The following IGDCC3 variants were observed in gnomAD, a reference collection of about 807,000 sequenced individuals.
IGDCC3 encodes the protein putative neuronal cell adhesion molecule.
In IGDCC3, 47 loss-of-function variants were observed where a neutral mutation model predicts 72.0. The ratio of observed to expected loss-of-function variants is 0.65; its 90% CI spans 0.52 to 0.83. IGDCC3 has a LOEUF of 0.83. Among genes scored for constraint, IGDCC3 ranks in the 40% least tolerant of loss-of-function variants. The pLI is 0.00. For missense variants in IGDCC3, 1,038 were observed against 1,091.3 expected (o/e 0.95, Z 0.69); for synonymous variants, 477 against 472.8 (o/e 1.01, Z -0.11).
intron 2 of IGDCC3, among the ~76,000 whole-genome samples, chr15:65,369,965 C>T (rs2091313143): frequency 6.6e-6 from 1 of 152,140 alleles, no homozygotes. Context: ...GCTGGTGAAA[C>T]TGCCTTCCCT....
chr15:65,335,477 A>G (rs2091020152), intron 3 of IGDCC3, 56 bp from the exon 4 acceptor site: 9 of 1,554,100 alleles, frequency 5.8e-6, no homozygotes, highest in Middle Eastern at 1.7e-4. Context: ...ATAATCAGCC[A>G]CAAAGACTCT....
chr15:65,356,848 C>CTTTTTTTTTGTTTTTTTTTTTTTTTTTT (rs2091225277), intron 2 of IGDCC3, among the ~76,000 whole-genome samples: 1 of 70,898 alleles, frequency 1.4e-5, no homozygotes, highest in Non-Finnish European at 2.6e-5. Flanking sequence ...AATGGACCTG[C>CTTTTTTTTTGTTTTTTTTTTTTTTTTTT]TTTTTTTTTT....
chr15:65,337,517 G>T (rs1391890087), intron 2 of IGDCC3, among the ~76,000 whole-genome samples: 1 of 152,128 alleles, frequency 6.6e-6, no homozygotes, highest in South Asian at 2.1e-4. Flanking sequence ...GGGGTGGGAG[G>T]TGGGGGCAAG....
chr15:65,348,504 C>G (rs2091145569), intron 2 of IGDCC3, among the ~76,000 whole-genome samples: 1 of 152,174 alleles, frequency 6.6e-6, no homozygotes, highest in South Asian at 2.1e-4. Flanking sequence ...AGGAGACACC[C>G]CAACCCAAAG....
At chr15:65,349,520 C>A (rs1286293804) in intron 2 of IGDCC3, among the ~76,000 whole-genome samples, 4 of 152,186 alleles carry the variant, frequency 2.6e-5, no homozygotes, top group African/African-American at 9.6e-5. Flanking sequence ...GTATTTTGTG[C>A]TATGAATTCG....
chr15:65,349,693 T>C (rs556266361), intron 2 of IGDCC3, among the ~76,000 whole-genome samples: 24 of 152,202 alleles, frequency 1.6e-4, no homozygotes, highest in Non-Finnish European at 2.8e-4. Flanking sequence ...TTTATGTTCT[T>C]GGGAGCTTCA....
Position 65,331,498 on chromosome 15 carries a change from G to A in IGDCC3, c.1310C>T (p.Ser437Phe). ...PRNVRAVSVS[S>F]TEVRVSWSEP... ...ACTCCAGGACACACGCACCTCAGTG[G>A]AAGACACAGAGACTGCCCGCACATT... Residue 437 changes from serine to phenylalanine, a missense_variant, in exon 8 of 14, where the codon TCC becomes TTC. Ser to Phe is a radical substitution (Grantham distance 155). Transcript: ENST00000327987. 1 of 1,613,798 alleles carries A rather than the reference G, an allele frequency of 6.2e-7. No homozygotes were observed. Among genetic ancestry groups the A allele is most frequent in the Non-Finnish European group, 8.5e-7 (1 of 1,179,990 alleles).
chr15:65,377,348 C>A lies in IGDCC3; in HGVS notation c.103+338G>T, dbSNP rs1177786622. On this transcript the variant is annotated intron_variant, in intron 1 of 13. Transcript: ENST00000327987. This position sits in a 1 kb window ranked among gnomAD's most constrained non-coding sequence, Gnocchi z 4.9. ...CCCAGCTCGTCCGCCTCGGTCAGCG[C>A]TTAGCCTTGCGGTCTCCCCTGGCTC... is the stretch of plus-strand genomic sequence containing the variant. Among the ~76,000 whole-genome samples, 2 of 152,192 alleles carry A rather than the reference C, an allele frequency of 1.3e-5. No homozygotes were observed. The highest frequency in any genetic ancestry group is 2.9e-5 in the Non-Finnish European group (2 of 68,024).
At position 65,327,942 on chromosome 15, in the gene IGDCC3, C is replaced by T. The variant is rs2090933811; in HGVS notation, c.*967G>A. On this transcript the variant is annotated 3_prime_UTR_variant, in exon 14 of 14. Coordinates refer to ENST00000327987, the MANE Select transcript of IGDCC3 (RefSeq NM_004884.4). ...CATCCCCATCAAGGATGGGCTGGCTCAAAATGGGAGTGGACAGACAAGACG... is the reference window on the plus strand; with the variant it reads ...CATCCCCATCAAGGATGGGCTGGCTTAAAATGGGAGTGGACAGACAAGACG... 3 of 152,740 alleles carry T rather than the reference C, an allele frequency of 2.0e-5. No individual in the cohort carries two copies. The highest frequency in any genetic ancestry group is 2.0e-4 in the Admixed American group (3 of 15,294). The allele number at this position is 152,740 out of a possible 1,614,324, so 9.5% of individuals were successfully genotyped here.
intron 2 of IGDCC3, among the ~76,000 whole-genome samples, chr15:65,363,242 CAT>C (rs2091272092): frequency 6.6e-6 from 1 of 152,122 alleles, no homozygotes; most frequent in African/African-American, 2.4e-5. Context: ...GGGAGGGAAA[CAT>C]AAAAGGATGC....
chr15:65,359,726 G>A (rs1318424964), intron 2 of IGDCC3, among the ~76,000 whole-genome samples: 2 of 152,194 alleles, frequency 1.3e-5, no homozygotes, highest in South Asian at 2.1e-4. Flanking sequence ...GGGATTTAGG[G>A]TATAGTTAGA....
chr15:65,375,283 A>G lies in IGDCC3; in HGVS notation c.223T>C (p.Trp75Arg). 1 of 1,614,154 alleles carries G rather than the reference A, an allele frequency of 6.2e-7. No homozygotes were observed. ...VEGTPPVRIT[W>R]RKNGVELPES... is the part of the protein sequence containing the mutation. ...GGCAGCTCTACCCCATTCTTCCTCCAGGTGATTCGCACTGGAGGGGTCCCC... is the reference window on the plus strand; with the variant it reads ...GGCAGCTCTACCCCATTCTTCCTCCGGGTGATTCGCACTGGAGGGGTCCCC... The change falls in exon 2 of 14, where the codon TGG (tryptophan) becomes CGG (arginine). Residue 75 changes from tryptophan (W) to arginine (R), a missense_variant. By Grantham distance (101) the Trp-to-Arg change is moderately radical. Transcript: ENST00000327987.
rs1426000930 is a variant in IGDCC3 at position 65,377,656 on chromosome 15, A to T, written c.103+30T>A. On this transcript the variant is annotated intron_variant, in intron 1 of 13. Coordinates refer to ENST00000327987, the MANE Select transcript of IGDCC3 (RefSeq NM_004884.4). This position sits in a 1 kb window ranked among gnomAD's most constrained non-coding sequence, Gnocchi z 4.9. Reference sequence around the variant, plus strand: ...TCGCCCTTCCCCTGGCTCCGTCCGCAACCGCCCGGTCCGGGGCGCTTTCAC... The same window carrying T: ...TCGCCCTTCCCCTGGCTCCGTCCGCTACCGCCCGGTCCGGGGCGCTTTCAC... 10 of 1,429,648 alleles carry T rather than the reference A, an allele frequency of 7.0e-6. No individual in the cohort carries two copies. Among genetic ancestry groups the T allele is most frequent in the Non-Finnish European group, 9.1e-6 (10 of 1,096,954 alleles). The allele number at this position is 1,429,648 out of a possible 1,614,324, so 88.6% of individuals were successfully genotyped here.
chr15:65,328,782 G>T lies in IGDCC3; in HGVS notation c.*127C>A. ...TGCCTTGGGTTTTGACAACCCAAGA[G>T]GCAGTCAGGATAGAAATGCTGGGGA... is the stretch of plus-strand genomic sequence containing the variant. On this transcript the variant is annotated 3_prime_UTR_variant, in exon 14 of 14. Transcript: ENST00000327987. 1 of 1,226,924 alleles carries T rather than the reference G, an allele frequency of 8.2e-7. No homozygotes were observed. Among genetic ancestry groups the T allele is most frequent in the Non-Finnish European group, 1.1e-6 (1 of 921,490 alleles). The allele number at this position is 1,226,924 out of a possible 1,614,324, so 76.0% of individuals were successfully genotyped here.
chr15:65,333,169 G>A (rs1426235027), intron 6 of IGDCC3, 88 bp downstream of exon 6: 4 of 1,325,222 alleles, frequency 3.0e-6, no homozygotes, highest in Admixed American at 4.9e-5. Flanking sequence ...GACTGGGGTG[G>A]GACAGGGCCC....
Position 65,334,801 on chromosome 15 carries a change from T to C in IGDCC3, c.750A>G (p.Thr250=), listed in dbSNP as rs778311324. ...ILVGPENLTL[T]VHQTAVLECV... is the part of the protein sequence containing the mutation. ...ACTCAAGCACCGCGGTCTGGTGCAC[T>C]GTCAGGGTGAGGTTCTCAGGCCCCA... Residue 250 remains threonine, a synonymous_variant, in exon 5 of 14, where the codon ACA becomes ACG. Transcript: ENST00000327987. 1 of 1,612,654 alleles carries C rather than the reference T, an allele frequency of 6.2e-7. No individual in the cohort carries two copies. The highest frequency in any genetic ancestry group is 8.5e-7 in the Non-Finnish European group (1 of 1,179,488).
chr15:65,333,269 G>T lies in IGDCC3; in HGVS notation c.970C>A (p.Leu324Met). 1 of 1,608,208 alleles carries T rather than the reference G, an allele frequency of 6.2e-7. No individual in the cohort carries two copies. ...TRVRRTAQGR[L>M]VVQAPAEFVQ... ...GGCTGATCCATACCTTGCACCACCAGCCGGCCCTGTGCCGTTCTCCTCACC... is the reference window on the plus strand; with the variant it reads ...GGCTGATCCATACCTTGCACCACCATCCGGCCCTGTGCCGTTCTCCTCACC... Residue 324 changes from leucine to methionine, a missense_variant, in exon 6 of 14, where the codon CTG becomes ATG. Leu to Met is a conservative substitution (Grantham distance 15). Transcript: ENST00000327987.
Position 65,329,811 on chromosome 15 carries a change from T to C in IGDCC3, c.1912A>G (p.Thr638Ala), listed in dbSNP as rs1222077154. 3 of 1,613,974 alleles carry C rather than the reference T, an allele frequency of 1.9e-6. No individual in the cohort carries two copies. In the African/African-American group the frequency reaches 4.0e-5, roughly 22 times the overall value. The part of the protein sequence containing the change: ...RKEEAANQTS[T>A]TGIVIGIHIG... The stretch of plus-strand genomic sequence containing the variant: ...TGGATGCCGATGACGATGCCTGTGG[T>C]GGACGTCTGGTTGGCGGCCTCCTCC... The change falls in exon 12 of 14, where the codon ACC becomes GCC. Residue 638 changes from threonine (T) to alanine (A), a missense_variant. Transcript: ENST00000327987. The surrounding 1 kb of genome is among the most constrained non-coding windows in gnomAD (Gnocchi z 4.1).
Position 65,331,772 on chromosome 15 carries a change from G to A in IGDCC3, c.1149-113C>T, listed in dbSNP as rs143788348. On this transcript the variant is annotated intron_variant, in intron 7 of 13. Transcript: ENST00000327987. Reference sequence around the variant, plus strand: ...TCCAGGAGACAAACGACTTGTGTGAGGTCTCCCAGCAAGTTGGTGGTGGAA... The same window carrying A: ...TCCAGGAGACAAACGACTTGTGTGAAGTCTCCCAGCAAGTTGGTGGTGGAA... 1.9e-4 allele frequency: 273 copies of A among 1,411,470 alleles called. No individual in the cohort carries two copies. In the African/African-American group the frequency reaches 3.4e-3, roughly 18 times the overall value. 87.4% of individuals were successfully genotyped at this position (1,411,470 alleles called of 1,614,324 possible).
Sources: gnomAD v4.1 joint callset for allele counts (sites outside exome capture counted in the v4.1 genomes callset) on GRCh38, gnomAD v4.1.1 for gene constraint, Gnocchi (gnomAD v3.1) non-coding constraint, MANE v1.5 for transcripts, NCBI Gene and HGNC (gene_info 2026-07-23, HGNC 2026-07-21) for gene names.